The following PDZRN4 variants were observed in gnomAD, a reference collection of about 807,000 sequenced individuals.
PDZRN4 encodes the protein PDZ domain containing ring finger 4.
A neutral mutation model predicts 99.0 loss-of-function variants in PDZRN4; 70 were observed. The ratio of observed to expected loss-of-function variants is 0.71; its 90% CI spans 0.58 to 0.86. PDZRN4 has a LOEUF of 0.86. Ranked by LOEUF, PDZRN4 falls within the 40% of genes least tolerant of loss-of-function variation. The probability of loss-of-function intolerance (pLI) is 0.00; values close to 1 mark genes in which losing one functional copy is unlikely to be tolerated. For synonymous variants in PDZRN4, 551 were observed against 501.6 expected (o/e 1.10, Z -1.32); for missense variants, 1,474 against 1,331.2 (o/e 1.11, Z -1.67).
intron 3 of PDZRN4, among the ~76,000 whole-genome samples, chr12:41,375,336 G>T (rs7980841): frequency 0.56 from 85,409 of 151,630 alleles, 23,965 homozygotes; most frequent in Middle Eastern, 0.7. Flanking sequence ...ACAAGGATGA[G>T]CATATACAAT....
In PDZRN4 at chr12:41,455,036, G is replaced by A. The variant is rs571822301; in HGVS notation, c.844-51420G>A. On this transcript the variant is annotated intron_variant, in intron 3 of 9. Transcript: ENST00000402685. ...TGTGGCTAGACTATTGTATTGGACA[G>A]TGCAGGGTCTAGAAATTATTAAGGA... Among the ~76,000 whole-genome samples, 4 of 152,316 alleles carry A rather than the reference G, an allele frequency of 2.6e-5. No homozygotes were observed. The South Asian group carries it at 6.2e-4, about 24-fold the overall frequency.
At chr12:41,507,474 C>A (rs1855059426) in intron 4 of PDZRN4, among the ~76,000 whole-genome samples, 1 of 152,118 alleles carries the variant, frequency 6.6e-6, no homozygotes, top group African/African-American at 2.4e-5. Context: ...ATTTTCATCA[C>A]CTACTCCAAT....
At chr12:41,441,729 C>G (rs1452305132) in intron 3 of PDZRN4, among the ~76,000 whole-genome samples, 2 of 152,136 alleles carry the variant, frequency 1.3e-5, no homozygotes, top group African/African-American at 4.8e-5. Flanking sequence ...AACCCCTACT[C>G]ATAGTCTCTT....
intron 3 of PDZRN4, among the ~76,000 whole-genome samples, chr12:41,219,152 A>AG (rs1206298509): frequency 1.3e-5 from 2 of 152,086 alleles, no homozygotes; most frequent in Non-Finnish European, 2.9e-5. Flanking sequence ...TCAGGGTTGA[A>AG]GGTGATTAGA....
intron 3 of PDZRN4, among the ~76,000 whole-genome samples, chr12:41,318,704 A>G (rs1489042564): frequency 6.6e-6 from 1 of 152,082 alleles, no homozygotes. Context: ...GATTCTAATG[A>G]TTTTCTCCAT....
intron 3 of PDZRN4, among the ~76,000 whole-genome samples, chr12:41,396,078 A>G (rs1017643305): frequency 5.3e-5 from 8 of 152,166 alleles, no homozygotes; most frequent in Non-Finnish European, 1.2e-4. Flanking sequence ...TACTATAAAC[A>G]GCAAAAAGAA....
At chr12:41,480,973 G>T (rs1262239522) in intron 3 of PDZRN4, among the ~76,000 whole-genome samples, 3 of 146,750 alleles carry the variant, frequency 2.0e-5, no homozygotes, top group East Asian at 2.0e-4. Context: ...AAATTACAGG[G>T]TTTTTTTTTT....
intron 3 of PDZRN4, among the ~76,000 whole-genome samples, chr12:41,352,683 C>T (rs77503945): frequency 0.059 from 9,019 of 152,064 alleles, 669 homozygotes; most frequent in East Asian, 0.18. Context: ...TGAGAAAGTA[C>T]GTGGAGGTGG....
At chr12:41,344,967 A>G (rs1345421812) in intron 3 of PDZRN4, among the ~76,000 whole-genome samples, 2 of 152,102 alleles carry the variant, frequency 1.3e-5, no homozygotes, top group Non-Finnish European at 2.9e-5. Context: ...TTAAAAGAAA[A>G]GAGCCATTAA....
Position 41,406,156 on chromosome 12 carries a change from C to CT in PDZRN4, c.844-100292dup, listed in dbSNP as rs573073147. Among the ~76,000 whole-genome samples, 282 of 151,672 alleles carry CT rather than the reference C, an allele frequency of 1.9e-3. 7 individuals are homozygous for CT. In the East Asian group the frequency reaches 0.038, roughly 20 times the overall value. On this transcript the variant is annotated intron_variant, in intron 3 of 9. Transcript: ENST00000402685. ...TATCCAAAATTTAACCTAATTTCTG[C>CT]TTTTTTTTGAGTGATGATTCTGCCT...
At chr12:41,420,907 C>G (rs1002008153) in intron 3 of PDZRN4, among the ~76,000 whole-genome samples, 1 of 152,160 alleles carries the variant, frequency 6.6e-6, no homozygotes, top group African/African-American at 2.4e-5. Context: ...TCAATCTCAT[C>G]ATACTCAACT....
Position 41,424,381 on chromosome 12 carries a change from A to G in PDZRN4, c.844-82075A>G, listed in dbSNP as rs1952517016. Among the ~76,000 whole-genome samples, 3 of 152,132 alleles carry G rather than the reference A, an allele frequency of 2.0e-5. 1 individual carries two copies. Among genetic ancestry groups the G allele is most frequent in the South Asian group, 4.1e-4 (2 of 4,834 alleles). Reference sequence around the variant, plus strand: ...CATTCCAAACAAATATTGCATATGTATGATTAAACACATGATCTGATGAAA... The same window carrying G: ...CATTCCAAACAAATATTGCATATGTGTGATTAAACACATGATCTGATGAAA... On this transcript the variant is annotated intron_variant, in intron 3 of 9. Transcript: ENST00000402685.
At chr12:41,216,773 T>C (rs1050505216) in intron 3 of PDZRN4, among the ~76,000 whole-genome samples, 1 of 152,064 alleles carries the variant, frequency 6.6e-6, no homozygotes, top group African/African-American at 2.4e-5. Flanking sequence ...AGACCAGATA[T>C]CTGTCATCCT....
intron 3 of PDZRN4, among the ~76,000 whole-genome samples, chr12:41,459,101 TACCGGCAGCTTTATCCTATG>T (rs1952846792): frequency 1.3e-5 from 2 of 152,146 alleles, no homozygotes; most frequent in African/African-American, 4.8e-5. Context: ...TTCAGACAAA[TACCGGCAGCTTTATCCTATG>T]GTTTAGATGG....
rs184861512 is a variant in PDZRN4, at chr12:41,547,731, G to A, written c.1204-4925G>A. Among the ~76,000 whole-genome samples the A allele has an allele frequency of 5.3e-5, 8 of 152,104 alleles. No individual in the cohort carries two copies. In the East Asian group the frequency reaches 1.4e-3, roughly 26 times the overall value. On this transcript the variant is annotated intron_variant, in intron 5 of 9. Transcript: ENST00000402685. ...TTCCTGGTCCAGATTTCCTGACATC[G>A]ACTGTTGTTTGCCAGCATCATGAAT...
chr12:41,239,044 C>A (rs778256749), intron 3 of PDZRN4, among the ~76,000 whole-genome samples: 8 of 152,062 alleles, frequency 5.3e-5, no homozygotes, highest in Non-Finnish European at 8.8e-5. Flanking sequence ...TTCACAATAG[C>A]AAAGACATAG....
At chr12:41,337,924 T>G (rs945542579) in intron 3 of PDZRN4, among the ~76,000 whole-genome samples, 10 of 152,110 alleles carry the variant, frequency 6.6e-5, no homozygotes, top group African/African-American at 2.2e-4. Context: ...GTGCTGTCTT[T>G]TTTTTGTTTT....
chr12:41,563,050 C>T (rs1314012368), intron 7 of PDZRN4, among the ~76,000 whole-genome samples: 2 of 152,098 alleles, frequency 1.3e-5, no homozygotes, highest in African/African-American at 4.8e-5. Context: ...GACCCACACG[C>T]AAATATGAAA....
At chr12:41,540,385 A>T (rs1938827827) in intron 5 of PDZRN4, among the ~76,000 whole-genome samples, 1 of 152,172 alleles carries the variant, frequency 6.6e-6, no homozygotes, top group African/African-American at 2.4e-5. Context: ...TCATATTCTC[A>T]ATGAATGTCT....
Sources: allele counts gnomAD v4.1 joint callset (sites outside exome capture counted in the v4.1 genomes callset), GRCh38; gene constraint gnomAD v4.1.1; transcripts MANE v1.5; gene names NCBI Gene and HGNC (gene_info 2026-07-23, HGNC 2026-07-21).